The following PSMG2 variants were observed in gnomAD, a reference collection of about 807,000 sequenced individuals.
The protein encoded by PSMG2 is CD40 ligand-activated specific transcript 3.
PSMG2 carries 21 observed loss-of-function variants against 31.5 expected under a neutral mutation model. The observed-to-expected ratio is 0.67, with a 90% CI of 0.47 to 0.96. The LOEUF is 0.96. Ranked by LOEUF, PSMG2 falls within the 40% of genes least tolerant of loss-of-function variation. The pLI, the probability that PSMG2 is intolerant of heterozygous loss-of-function variation, is 0.00. For synonymous variants in PSMG2, 120 were observed against 110.4 expected, an observed-to-expected ratio of 1.09 and a Z score of -0.54; for missense variants, 318 against 321.2, an observed-to-expected ratio of 0.99 and a Z score of 0.08.
chr18:12,714,715 G>C (rs990463449), intron 3 of PSMG2, among the ~76,000 whole-genome samples: 7 of 151,014 alleles, frequency 4.6e-5, no homozygotes, highest in African/African-American at 1.7e-4. Context: ...GGCTGGTCTT[G>C]AACTCCTGAG....
intron 2 of PSMG2, among the ~76,000 whole-genome samples, chr18:12,711,906 G>A (rs1004922952): frequency 2.6e-5 from 4 of 151,774 alleles, no homozygotes; most frequent in Admixed American, 6.6e-5. Context: ...GGTGCCCGCC[G>A]CCAAGCCTGG....
intron 2 of PSMG2, among the ~76,000 whole-genome samples, chr18:12,709,388 G>A (rs577033092): frequency 6.8e-5 from 10 of 147,668 alleles, no homozygotes; most frequent in East Asian, 2.1e-4. Flanking sequence ...GTGTGGTGGC[G>A]GGATCTCGGC....
chr18:12,723,920 T>A (rs1203678719), intron 5 of PSMG2, among the ~76,000 whole-genome samples: 2 of 152,222 alleles, frequency 1.3e-5, no homozygotes, highest in African/African-American at 4.8e-5. Flanking sequence ...ATCTGAATCC[T>A]GGTGTCTGTC....
At chr18:12,673,127 A>G (rs1485859619) in intron 1 of PSMG2, 1 of 1,092,730 alleles carries the variant, frequency 9.2e-7, no homozygotes, top group Non-Finnish European at 1.1e-6. Flanking sequence ...TTATTAAAAT[A>G]GAATATACAC....
intron 1 of PSMG2, among the ~76,000 whole-genome samples, chr18:12,678,719 G>C (rs2039234358): frequency 6.6e-6 from 1 of 151,946 alleles, no homozygotes; most frequent in African/African-American, 2.4e-5. Context: ...ACTTTGGGAG[G>C]CCGAGGCAGG....
At chr18:12,723,537 A>T (rs746100004) in intron 5 of PSMG2, among the ~76,000 whole-genome samples, 9 of 152,076 alleles carry the variant, frequency 5.9e-5, no homozygotes, top group Non-Finnish European at 1.3e-4. Context: ...ACCTACAGGC[A>T]CATGCCACCA....
At chr18:12,679,238 C>A (rs2039258711) in intron 1 of PSMG2, 1 of 152,170 alleles carries the variant, frequency 6.6e-6, no homozygotes, top group African/African-American at 2.4e-5. Context: ...GTGAGACAGC[C>A]AGGTGGAAAG....
chr18:12,669,824 A>C (rs929890085), intron 1 of PSMG2, among the ~76,000 whole-genome samples: 3 of 151,968 alleles, frequency 2.0e-5, no homozygotes, highest in Admixed American at 1.3e-4. Flanking sequence ...AACATGCAGA[A>C]ACCCTGTCTC....
At chr18:12,662,179 T>C (rs762469129) in intron 1 of PSMG2, 3 of 439,810 alleles carry the variant, frequency 6.8e-6, no homozygotes, top group African/African-American at 6.3e-5. Flanking sequence ...CCTAGAAAAG[T>C]GCACCAGAAA....
intron 4 of PSMG2, 67 bp from the exon 5 acceptor site, chr18:12,720,440 GAGA>G: frequency 7.7e-7 from 1 of 1,298,524 alleles, no homozygotes. Flanking sequence ...TGGAGACCAA[GAGA>G]ATTTTAGCTA....
upstream of PSMG2, chr18:12,702,621 G>C (rs890934251): frequency 3.3e-6 from 5 of 1,507,852 alleles, no homozygotes; most frequent in South Asian, 1.2e-5. Flanking sequence ...GGCCGGGCCA[G>C]GGAGCGTTAG....
intron 1 of PSMG2, among the ~76,000 whole-genome samples, chr18:12,696,797 G>A (rs1167665897): frequency 6.6e-6 from 1 of 152,122 alleles, no homozygotes; most frequent in Non-Finnish European, 1.5e-5. Context: ...CACCCACACT[G>A]TAAAAGGTTG....
chr18:12,662,640 G>A (rs976510228), intron 1 of PSMG2, among the ~76,000 whole-genome samples: 1 of 152,154 alleles, frequency 6.6e-6, no homozygotes, highest in African/African-American at 2.4e-5. Context: ...AACCAGGCAT[G>A]GTGGTGCACA....
upstream of PSMG2, among the ~76,000 whole-genome samples, chr18:12,701,707 G>A (rs1217519902): frequency 1.3e-5 from 2 of 152,114 alleles, no homozygotes; most frequent in African/African-American, 4.8e-5. Flanking sequence ...TTCTTCTGGA[G>A]CTCCGAAATA....
chr18:12,690,939 GC>G (rs56296606), intron 1 of PSMG2, among the ~76,000 whole-genome samples: 21 of 148,766 alleles, frequency 1.4e-4, no homozygotes, highest in Admixed American at 3.4e-4. Flanking sequence ...TATGCCCAGA[GC>G]CCCCCCCCGT....
At chr18:12,662,590 A>G (rs1021899407) in intron 1 of PSMG2, among the ~76,000 whole-genome samples, 6 of 152,166 alleles carry the variant, frequency 3.9e-5, no homozygotes, top group Admixed American at 3.3e-4. Flanking sequence ...AGCCTGGGCA[A>G]TGTGATGAAA....
intron 1 of PSMG2, among the ~76,000 whole-genome samples, chr18:12,660,767 T>A (rs1351201934): frequency 6.6e-6 from 1 of 152,130 alleles, no homozygotes; most frequent in Non-Finnish European, 1.5e-5. Context: ...TTTTTTTTTA[T>A]TGCCAAGTAA....
chr18:12,700,977 T>C (rs755209478), upstream of PSMG2: 1 of 1,613,410 alleles, frequency 6.2e-7, no homozygotes, highest in Non-Finnish European at 8.5e-7. Flanking sequence ...ATTAAGTTCT[T>C]TCATCACATC....
At chr18:12,701,560 T>C (rs190725033), upstream of PSMG2, among the ~76,000 whole-genome samples, 121 of 152,244 alleles carry the variant, frequency 7.9e-4, no homozygotes, top group Admixed American at 7.9e-3. Context: ...CCTAGTGTAG[T>C]GCCCTCTCAC....
Sources: gnomAD v4.1 joint callset for allele counts (sites outside exome capture counted in the v4.1 genomes callset) on GRCh38, gnomAD v4.1.1 for gene constraint, MANE v1.5 for transcripts, NCBI Gene and HGNC (gene_info 2026-07-23, HGNC 2026-07-21) for gene names.